ADARB2: variants seen among roughly 807,000 people sequenced by gnomAD.
ADARB2 encodes inactive double-stranded RNA-specific editase B2.
A neutral mutation model predicts 62.2 loss-of-function variants in ADARB2; 25 were observed. The observed-to-expected ratio is 0.40, with a 90% confidence interval of 0.29 to 0.56. The LOEUF (loss-of-function observed/expected upper bound fraction) is 0.56, where lower values mean the gene tolerates loss of function less well. Ranked by LOEUF, ADARB2 falls within the 20% of genes least tolerant of loss-of-function variation. The pLI is 0.43. For synonymous variants in ADARB2, 572 were observed against 500.8 expected (o/e 1.14, Z -1.90); for missense variants, 1,071 against 1,077.4 (o/e 0.99, Z 0.08).
chr10:1,364,924 G>A (rs1832299981), intron 2 of ADARB2, among the ~76,000 whole-genome samples: 1 of 151,070 alleles, frequency 6.6e-6, no homozygotes, highest in Non-Finnish European at 1.5e-5. Context: ...CCAGGCTGGA[G>A]GGCAGTGGCG....
chr10:1,483,906 T>G (rs1038809507), intron 1 of ADARB2, among the ~76,000 whole-genome samples: 1 of 152,214 alleles, frequency 6.6e-6, no homozygotes, highest in Non-Finnish European at 1.5e-5. Context: ...CCTTTCTTAT[T>G]CCGCCATGCG....
intron 1 of ADARB2, among the ~76,000 whole-genome samples, chr10:1,466,651 G>A (rs190631842): frequency 1.2e-4 from 19 of 152,252 alleles, no homozygotes; most frequent in African/African-American, 1.9e-4. Context: ...GGTTGATTGC[G>A]ACCAAAGGCT....
At chr10:1,278,597 C>T (rs1437381705) in intron 3 of ADARB2, among the ~76,000 whole-genome samples, 2 of 148,954 alleles carry the variant, frequency 1.3e-5, no homozygotes, top group African/African-American at 5.2e-5. Flanking sequence ...AACATGATTT[C>T]ATTCTTTTTT....
intron 3 of ADARB2, among the ~76,000 whole-genome samples, chr10:1,304,023 A>C (rs1039058212): frequency 6.6e-6 from 1 of 152,070 alleles, no homozygotes; most frequent in Non-Finnish European, 1.5e-5. Context: ...CACACATAAC[A>C]CTATTAACTT....
At chr10:1,661,444 G>A (rs1834246883) in intron 1 of ADARB2, among the ~76,000 whole-genome samples, 1 of 152,192 alleles carries the variant, frequency 6.6e-6, no homozygotes, top group South Asian at 2.1e-4. Flanking sequence ...GAATTAGAAA[G>A]CTTCACTGCC....
intron 1 of ADARB2, among the ~76,000 whole-genome samples, chr10:1,550,365 CA>C (rs1832599288): frequency 6.6e-6 from 1 of 152,236 alleles, no homozygotes; most frequent in Non-Finnish European, 1.5e-5. Flanking sequence ...ACACGGCGAA[CA>C]GCAGCTATTT....
At chr10:1,607,659 G>A (rs542920214) in intron 1 of ADARB2, among the ~76,000 whole-genome samples, 2 of 152,276 alleles carry the variant, frequency 1.3e-5, no homozygotes, top group East Asian at 3.9e-4. Context: ...ATGCTGACAC[G>A]ATGGGAACCC....
chr10:1,524,518 C>G (rs1204433660), intron 1 of ADARB2, among the ~76,000 whole-genome samples: 4 of 152,184 alleles, frequency 2.6e-5, no homozygotes, highest in African/African-American at 9.7e-5. Flanking sequence ...AAGCACTTTT[C>G]CTGAGCCCAA....
At chr10:1,434,964 G>A in intron 1 of ADARB2, among the ~76,000 whole-genome samples, 1 of 152,250 alleles carries the variant, frequency 6.6e-6, no homozygotes, top group African/African-American at 2.4e-5. Flanking sequence ...ATTGGGCAGA[G>A]AGAAATAGCA....
intron 1 of ADARB2, among the ~76,000 whole-genome samples, chr10:1,380,441 G>A (rs1832472915): frequency 6.6e-6 from 1 of 152,236 alleles, no homozygotes; most frequent in Non-Finnish European, 1.5e-5. Flanking sequence ...CTGTCCACAG[G>A]TGCCCCACCG....
At position 1,230,543 on chromosome 10, in the gene ADARB2, C is replaced by G. The variant is rs541467643; in HGVS notation, c.1513+3151G>C. Among the ~76,000 whole-genome samples, 4 of 152,282 alleles carry G rather than the reference C, an allele frequency of 2.6e-5. No homozygotes were observed. In the South Asian group the frequency reaches 8.3e-4, roughly 32 times the overall value. Reference sequence around the variant, plus strand: ...GTTAGCAACGTGGAGACCCCTGCCTCTTATTGTAAAGGAGCTTAAAGCATC... The same window carrying G: ...GTTAGCAACGTGGAGACCCCTGCCTGTTATTGTAAAGGAGCTTAAAGCATC... On this transcript the variant is annotated intron_variant, in intron 6 of 9. Coordinates refer to ENST00000381312, the MANE Select transcript of ADARB2 (RefSeq NM_018702.4).
intron 7 of ADARB2, among the ~76,000 whole-genome samples, chr10:1,210,934 G>A (rs994227625): frequency 6.6e-6 from 1 of 152,086 alleles, no homozygotes; most frequent in Admixed American, 6.5e-5. Context: ...GGCTGCTGCA[G>A]CTAGCACCTG....
rs1434896331 is a variant in ADARB2, at chr10:1,581,848, G to A, written c.100+155203C>T. On this transcript the variant is annotated intron_variant, in intron 1 of 9. Coordinates refer to ENST00000381312, the MANE Select transcript of ADARB2 (RefSeq NM_018702.4). ...TAGATGTGTGTGTGTGTGTGTGTGT[G>A]TGTGTGTGTGTGTGTGTGTGTGCAG... Among the ~76,000 whole-genome samples the A allele has an allele frequency of 4.0e-4, 61 of 151,886 alleles. 2 individuals carry two copies. The highest frequency in any genetic ancestry group is 1.4e-3 in the African/African-American group (59 of 41,386).
In ADARB2 at chr10:1,732,217, T is replaced by A. The variant is rs372767938; in HGVS notation, c.100+4834A>T. Among the ~76,000 whole-genome samples the A allele has an allele frequency of 5.3e-5, 8 of 151,508 alleles. No homozygotes were observed. The South Asian group carries it at 1.2e-3, about 24-fold the overall frequency. ...ACATAGTAATATACATGTATATATA[T>A]AATATGTATGTGTGTATATATATCA... On this transcript the variant is annotated intron_variant, in intron 1 of 9. Coordinates refer to ENST00000381312, the MANE Select transcript of ADARB2 (RefSeq NM_018702.4).
At chr10:1,675,546 G>A (rs1435354537) in intron 1 of ADARB2, among the ~76,000 whole-genome samples, 1 of 151,516 alleles carries the variant, frequency 6.6e-6, no homozygotes, top group African/African-American at 2.4e-5. Context: ...TGGGTTTGGG[G>A]GTACATGGAT....
chr10:1,729,882 G>C (rs1023793715), intron 1 of ADARB2, among the ~76,000 whole-genome samples: 1 of 152,174 alleles, frequency 6.6e-6, no homozygotes, highest in Admixed American at 6.5e-5. Flanking sequence ...TCAGACATTA[G>C]GGAAATGATG....
chr10:1,591,091 T>G (rs537452886), intron 1 of ADARB2, among the ~76,000 whole-genome samples: 1 of 152,386 alleles, frequency 6.6e-6, no homozygotes, highest in South Asian at 2.1e-4. Flanking sequence ...GAAGCCTTTT[T>G]AATTCATCCT....
chr10:1,626,806 A>G (rs964481169), intron 1 of ADARB2, among the ~76,000 whole-genome samples: 1 of 152,200 alleles, frequency 6.6e-6, no homozygotes, highest in African/African-American at 2.4e-5. Context: ...ATGTTGTATT[A>G]TATATAGTTT....
chr10:1,649,466 G>C (rs1285178596), intron 1 of ADARB2, among the ~76,000 whole-genome samples: 5 of 152,128 alleles, frequency 3.3e-5, no homozygotes, highest in African/African-American at 1.2e-4. Context: ...CTATGATAAC[G>C]TCTCCCTTTA....
Sources: allele counts gnomAD v4.1 joint callset (sites outside exome capture counted in the v4.1 genomes callset), GRCh38; gene constraint gnomAD v4.1.1; transcripts MANE v1.5; gene names NCBI Gene and HGNC (gene_info 2026-07-23, HGNC 2026-07-21).